Variants in ACSL5 observed in about 807,000 individuals in gnomAD.
ACSL5 encodes the protein long-chain-fatty-acid--CoA ligase 5.
A neutral mutation model predicts 84.9 loss-of-function variants in ACSL5; 50 were observed. The observed-to-expected ratio is 0.59, with a 90% confidence interval of 0.47 to 0.75. The LOEUF (loss-of-function observed/expected upper bound fraction) is 0.75, where lower values mean the gene tolerates loss of function less well. Ranked by LOEUF, ACSL5 falls within the 30% of genes least tolerant of loss-of-function variation. The pLI, the probability that ACSL5 is intolerant of heterozygous loss-of-function variation, is 0.00. For missense variants in ACSL5, 775 were observed against 830.4 expected (o/e 0.93, Z 0.82); for synonymous variants, 280 against 300.7 (o/e 0.93, Z 0.71).
chr10:112,425,386 G>A lies in ACSL5; in HGVS notation c.1642G>A (p.Ala548Thr). 2.5e-6 allele frequency: 4 copies of A among 1,613,198 alleles called. No homozygotes were observed. The highest frequency in any genetic ancestry group is 3.4e-6 in the Non-Finnish European group (4 of 1,179,612). ...IDRKKNIFKL[A>T]QGEYIAPEKI... ...CCGTAAAAAGAACATTTTCAAGCTG[G>A]CCCAAGGAGAATACATTGCACCAGA... The change falls in exon 18 of 21, where the codon GCC becomes ACC. Residue 548 changes from alanine (A) to threonine (T), a missense_variant. By Grantham distance (58) the Ala-to-Thr change is moderately conservative. Transcript: ENST00000354655.
At chr10:112,388,426 A>G (rs933186259) in intron 1 of ACSL5, among the ~76,000 whole-genome samples, 7 of 152,226 alleles carry the variant, frequency 4.6e-5, no homozygotes, top group Middle Eastern at 3.4e-3. Flanking sequence ...TTAGGGAGCA[A>G]TCCTCTCCAG....
At chr10:112,424,514 T>C (rs1356500045) in intron 17 of ACSL5, 3 of 152,232 alleles carry the variant, frequency 2.0e-5, no homozygotes, top group African/African-American at 2.4e-5. Flanking sequence ...AATAACACTC[T>C]AATAAGCCTA....
Position 112,427,291 on chromosome 10 carries a change from A to G in ACSL5, c.1985A>G (p.Lys662Arg). 6.2e-7 allele frequency: 1 copy of G among 1,613,990 alleles called. No individual in the cohort carries two copies. The highest frequency in any genetic ancestry group is 8.5e-7 in the Non-Finnish European group (1 of 1,179,912). The change falls in exon 21 of 21, where the codon AAG (lysine) becomes AGG (arginine). Residue 662 changes from lysine to arginine, a missense_variant. By Grantham distance (26) the Lys-to-Arg change is conservative. Transcript: ENST00000354655. Reference protein sequence around the residue: ...NGLLTPTLKAKRGELSKYFRT... With the variant: ...NGLLTPTLKARRGELSKYFRT... The stretch of plus-strand genomic sequence containing the variant: ...CTCTTGACACCAACATTGAAAGCAA[A>G]GCGAGGAGAGCTTTCCAAATACTTT...
chr10:112,426,239 TTTTA>T lies in ACSL5; in HGVS notation c.1738-15_1738-12del. On this transcript the variant is annotated splice_polypyrimidine_tract_variant and intron_variant, in intron 18 of 20. Coordinates refer to ENST00000354655, the MANE Select transcript of ACSL5 (RefSeq NM_203379.2). ...ATAACTTCTCTCATGCCCTTGCACC[TTTTA>T]TTTCCTTTCCATAGTCATCCTTAGT... 4 of 1,603,640 alleles carry T rather than the reference TTTTA, an allele frequency of 2.5e-6. No homozygotes were observed. Among genetic ancestry groups the T allele is most frequent in the Middle Eastern group, 1.7e-4 (1 of 6,052 alleles).
chr10:112,397,351 A>T (rs547084173), intron 2 of ACSL5, among the ~76,000 whole-genome samples: 2 of 151,812 alleles, frequency 1.3e-5, no homozygotes, highest in African/African-American at 4.8e-5. Context: ...TGTATTTTTA[A>T]TAGAGAGAGG....
At chr10:112,422,111 A>G in intron 16 of ACSL5, 76 bp downstream of exon 16, 1 of 1,529,956 alleles carries the variant, frequency 6.5e-7, no homozygotes, top group Non-Finnish European at 9.0e-7. Flanking sequence ...AATTGTAAGC[A>G]AACTTGGATT....
intron 20 of ACSL5, 52 bp downstream of exon 20, chr10:112,426,911 A>G (rs1355322630): frequency 7.0e-7 from 1 of 1,432,738 alleles, no homozygotes; most frequent in Non-Finnish European, 9.8e-7. Context: ...AGTTTTGTTT[A>G]AAGTTTCCAT....
At chr10:112,411,653 A>T (rs556143788) in intron 10 of ACSL5, 124 bp downstream of exon 10, 4 of 952,698 alleles carry the variant, frequency 4.2e-6, no homozygotes, top group Non-Finnish European at 6.4e-6. Flanking sequence ...CACACGTTAA[A>T]GGCTGGAGTG....
intron 11 of ACSL5, 107 bp from the exon 12 acceptor site, chr10:112,413,066 A>G (rs1844221772): frequency 5.6e-6 from 7 of 1,239,398 alleles, no homozygotes; most frequent in Non-Finnish European, 8.0e-6. Flanking sequence ...ACAGGTCCCC[A>G]CTGAAGGGGT....
chr10:112,399,454 T>C (rs1263378516), intron 3 of ACSL5, among the ~76,000 whole-genome samples: 1 of 152,210 alleles, frequency 6.6e-6, no homozygotes, highest in Non-Finnish European at 1.5e-5. Context: ...AGTCCAGGAT[T>C]CCTGATGTCT....
intron 1 of ACSL5, among the ~76,000 whole-genome samples, chr10:112,387,982 A>G (rs1464684917): frequency 8.3e-6 from 1 of 120,522 alleles, no homozygotes; most frequent in Non-Finnish European, 1.6e-5. Context: ...TCTGTCACCC[A>G]GGCTGGAGTG....
chr10:112,423,053 T>C (rs1844521408), intron 17 of ACSL5, among the ~76,000 whole-genome samples: 1 of 142,468 alleles, frequency 7.0e-6, no homozygotes. Flanking sequence ...CTGGGCGTGG[T>C]GGTGGGCGCC....
chr10:112,418,261 C>A (rs1844364100), intron 14 of ACSL5, among the ~76,000 whole-genome samples: 1 of 152,178 alleles, frequency 6.6e-6, no homozygotes, highest in South Asian at 2.1e-4. Context: ...TGCCTACCCC[C>A]ATGGCAGTCA....
In ACSL5 at chr10:112,408,532, G is replaced by T. The variant is rs1281242234; in HGVS notation, c.532+11G>T. On this transcript the variant is annotated intron_variant, in intron 6 of 20. Transcript: ENST00000354655. ...ATATTGTCAACAAGGGTAAAATTTT[G>T]CTGTTACATTACAACTTGATTCTTT... 1 of 1,549,304 alleles carries T rather than the reference G, an allele frequency of 6.5e-7. No homozygotes were observed. The highest frequency in any genetic ancestry group is 1.4e-5 in the African/African-American group (1 of 73,474).
chr10:112,423,187 CAAAAAAAAAAAAAAAA>C (rs1163487735), intron 17 of ACSL5, among the ~76,000 whole-genome samples: 1 of 16,564 alleles, frequency 6.0e-5, no homozygotes, highest in African/African-American at 3.0e-4. Flanking sequence ...GTCTCTGTCT[CAAAAAAAAAAAAAAAA>C]AAAAAAAAAA....
chr10:112,422,017 A>G lies in ACSL5; in HGVS notation c.1458A>G (p.Thr486=), dbSNP rs773802138. The G allele has an allele frequency of 1.9e-5, 31 of 1,614,106 alleles. No homozygotes were observed. The highest frequency in any genetic ancestry group is 2.6e-5 in the Non-Finnish European group (31 of 1,180,052). ...LEDVADMNYF[T]VNNEGEVCIK... is the part of the protein sequence containing the mutation. ...ATGTGGCTGACATGAACTACTTTAC[A>G]GTGAATAATGAAGGAGAGGTGGGTA... Residue 486 remains threonine (T), a synonymous_variant, in exon 16 of 21, where the codon ACA becomes ACG. Coordinates refer to ENST00000354655, the MANE Select transcript of ACSL5 (RefSeq NM_203379.2).
chr10:112,397,823 T>G (rs1470948316), intron 2 of ACSL5, among the ~76,000 whole-genome samples: 2 of 152,220 alleles, frequency 1.3e-5, no homozygotes, highest in African/African-American at 4.8e-5. Flanking sequence ...TGTGAGGTGC[T>G]TAAGGGCAGC....
intron 14 of ACSL5, 84 bp downstream of exon 14, chr10:112,418,025 A>T: frequency 9.1e-7 from 1 of 1,095,006 alleles, no homozygotes; most frequent in Non-Finnish European, 1.3e-6. Context: ...GAAAACAACT[A>T]AAAGGTACCA....
intron 1 of ACSL5, chr10:112,376,291 G>A: frequency 6.2e-7 from 1 of 1,614,028 alleles, no homozygotes; most frequent in Middle Eastern, 1.7e-4. Context: ...GGGACACTCT[G>A]GGCCGGCCTT....
Sources: allele counts gnomAD v4.1 joint callset (sites outside exome capture counted in the v4.1 genomes callset), GRCh38; gene constraint gnomAD v4.1.1; transcripts MANE v1.5; gene names NCBI Gene and HGNC (gene_info 2026-07-23, HGNC 2026-07-21).